The following DLGAP2 variants were observed in gnomAD, a reference collection of about 807,000 sequenced individuals.
DLGAP2 encodes the protein DLG associated protein 2, also known as disks large-associated protein 2.
DLGAP2 carries 26 observed loss-of-function variants against 100.3 expected under a neutral mutation model. The ratio of observed to expected loss-of-function variants is 0.26; its 90% CI spans 0.19 to 0.36. The LOEUF is 0.36. Among genes scored for constraint, DLGAP2 ranks in the 10% least tolerant of loss-of-function variants. The pLI is 1.00. For missense variants in DLGAP2, 1,858 were observed against 1,453.2 expected (o/e 1.28, Z -4.53); for synonymous variants, 886 against 630.1 (o/e 1.41, Z -6.08).
chr8:1,689,694 C>A (rs1485010494), intron 12 of DLGAP2, among the ~76,000 whole-genome samples: 1 of 152,104 alleles, frequency 6.6e-6, no homozygotes, highest in African/African-American at 2.4e-5. Context: ...GATGACGCCC[C>A]GTGAGCCAGC....
chr8:954,376 G>T lies in DLGAP2; in HGVS notation c.73+46410G>T, dbSNP rs527710670. ...CCCTCTCGCCTCCCTTCAGCCCCTA[G>T]GAGAAACTCTTATACAAGTGACCAA... On this transcript the variant is annotated intron_variant, in intron 2 of 14. Coordinates refer to ENST00000637795, the MANE Select transcript of DLGAP2 (RefSeq NM_001346810.2). Among the ~76,000 whole-genome samples, 9 of 152,264 alleles carry T rather than the reference G, an allele frequency of 5.9e-5. No homozygotes were observed. The South Asian group carries it at 1.7e-3, about 28-fold the overall frequency.
intron 3 of DLGAP2, among the ~76,000 whole-genome samples, chr8:1,333,132 C>T (rs1237549172): frequency 6.6e-6 from 1 of 152,168 alleles, no homozygotes; most frequent in Non-Finnish European, 1.5e-5. Flanking sequence ...GGACCTCCGG[C>T]TGCAGGCGTG....
At chr8:1,509,538 C>G (rs1800083447) in intron 4 of DLGAP2, among the ~76,000 whole-genome samples, 2 of 151,532 alleles carry the variant, frequency 1.3e-5, no homozygotes, top group Non-Finnish European at 2.9e-5. Context: ...CAGGGTGGTG[C>G]AGAGAAAGGA....
intron 2 of DLGAP2, among the ~76,000 whole-genome samples, chr8:937,202 A>G (rs1799091710): frequency 1.3e-5 from 2 of 152,164 alleles, no homozygotes; most frequent in African/African-American, 4.8e-5. Flanking sequence ...GGAAAATGCT[A>G]TCATTTAGAA....
chr8:1,342,268 C>A (rs927587371), intron 3 of DLGAP2, among the ~76,000 whole-genome samples: 2 of 152,136 alleles, frequency 1.3e-5, no homozygotes, highest in Non-Finnish European at 2.9e-5. Context: ...TTTTAAGTGA[C>A]TTGTTTCAGG....
intron 3 of DLGAP2, among the ~76,000 whole-genome samples, chr8:1,468,248 G>A (rs113831533): frequency 0.012 from 1,717 of 147,198 alleles, 36 homozygotes; most frequent in African/African-American, 0.041. Context: ...TCTGAGAATT[G>A]TGCCCTGTTC....
chr8:1,613,220 T>G (rs1262489584), intron 6 of DLGAP2, among the ~76,000 whole-genome samples: 3 of 143,326 alleles, frequency 2.1e-5, no homozygotes, highest in East Asian at 2.0e-4. Context: ...CCATAAAAAA[T>G]GATGAGTTCA....
At chr8:1,506,557 T>C (rs1219523377) in intron 4 of DLGAP2, among the ~76,000 whole-genome samples, 4 of 152,208 alleles carry the variant, frequency 2.6e-5, no homozygotes, top group Non-Finnish European at 2.9e-5. Context: ...CAAGATTTAG[T>C]GCATACAGCG....
intron 5 of DLGAP2, among the ~76,000 whole-genome samples, chr8:1,560,179 G>A (rs929504117): frequency 2.6e-5 from 4 of 152,158 alleles, no homozygotes; most frequent in South Asian, 2.1e-4. Flanking sequence ...TCCTAGTGAC[G>A]GTCCCTGTTT....
chr8:999,394 C>T (rs904190361), intron 2 of DLGAP2, among the ~76,000 whole-genome samples: 2 of 151,504 alleles, frequency 1.3e-5, no homozygotes, highest in East Asian at 3.9e-4. Flanking sequence ...TTTGAATCTT[C>T]TATGTCAAGA....
chr8:1,343,266 A>G (rs1801460968), intron 3 of DLGAP2, among the ~76,000 whole-genome samples: 1 of 152,196 alleles, frequency 6.6e-6, no homozygotes, highest in African/African-American at 2.4e-5. Context: ...AGGGCTCAGG[A>G]CAGACCAGGC....
At chr8:978,979 T>C (rs143534134) in intron 2 of DLGAP2, among the ~76,000 whole-genome samples, 91 of 152,286 alleles carry the variant, frequency 6.0e-4, no homozygotes, top group African/African-American at 2.2e-3. Flanking sequence ...GCAAGATTGG[T>C]GAGAGACCCT....
intron 2 of DLGAP2, among the ~76,000 whole-genome samples, chr8:1,033,290 A>C (rs1428726693): frequency 6.6e-6 from 1 of 152,128 alleles, no homozygotes; most frequent in Non-Finnish European, 1.5e-5. Flanking sequence ...CCTCTTATAC[A>C]ACTTGCTTCT....
intron 3 of DLGAP2, among the ~76,000 whole-genome samples, chr8:1,263,439 A>C (rs570242250): frequency 2.3e-4 from 35 of 152,332 alleles, no homozygotes; most frequent in Non-Finnish European, 5.0e-4. Flanking sequence ...TTGGGAAGAC[A>C]TACAGAATCC....
intron 2 of DLGAP2, among the ~76,000 whole-genome samples, chr8:1,156,684 G>A (rs1444450756): frequency 6.6e-6 from 1 of 151,958 alleles, no homozygotes; most frequent in African/African-American, 2.4e-5. Context: ...TCCCAGCCCA[G>A]CACCCCAGCT....
At chr8:1,301,398 C>G (rs565736348) in intron 3 of DLGAP2, 5 of 152,192 alleles carry the variant, frequency 3.3e-5, no homozygotes, top group African/African-American at 1.2e-4. Flanking sequence ...CTGCTCTCAA[C>G]AGCAACTGAT....
At chr8:1,698,772 T>G (rs1324522158) in intron 14 of DLGAP2, among the ~76,000 whole-genome samples, 1 of 132,650 alleles carries the variant, frequency 7.5e-6, no homozygotes, top group Non-Finnish European at 1.6e-5. Context: ...GTAAGCCATG[T>G]TTGGGACAGG....
intron 3 of DLGAP2, among the ~76,000 whole-genome samples, chr8:1,324,682 C>G (rs997579785): frequency 6.6e-6 from 1 of 152,196 alleles, no homozygotes; most frequent in South Asian, 2.1e-4. Context: ...TGAGCCATGT[C>G]CTTTTCAGCC....
At chr8:962,985 G>A (rs987850135) in intron 2 of DLGAP2, among the ~76,000 whole-genome samples, 20 of 152,216 alleles carry the variant, frequency 1.3e-4, no homozygotes, top group African/African-American at 4.8e-4. Context: ...TCCTCTGATG[G>A]GAAAAGTGTG....
Sources: gnomAD v4.1 joint callset for allele counts (sites outside exome capture counted in the v4.1 genomes callset) on GRCh38, gnomAD v4.1.1 for gene constraint, MANE v1.5 for transcripts, NCBI Gene and HGNC (gene_info 2026-07-23, HGNC 2026-07-21) for gene names.